The following NXF3 variants were observed in gnomAD, a reference collection of about 807,000 sequenced individuals.
The protein encoded by NXF3 is nuclear RNA export factor 3.
A neutral mutation model predicts 48.4 loss-of-function variants in NXF3; 34 were observed. The observed-to-expected ratio is 0.70, with a 90% CI of 0.53 to 0.93. NXF3 has a LOEUF of 0.93. Among genes scored for constraint, NXF3 ranks in the 40% least tolerant of loss-of-function variants. NXF3 has a pLI of 0.00. For synonymous variants in NXF3, 132 were observed against 145.7 expected, an observed-to-expected ratio of 0.91 and a Z score of 0.68; for missense variants, 359 against 406.1, an observed-to-expected ratio of 0.88 and a Z score of 1.00.
rs191596043 is a variant in NXF3, at chrX:103,091,575, G to A, written c.28+1421C>T. Among the ~76,000 whole-genome samples, 462 of 109,829 alleles carry A rather than the reference G, an allele frequency of 4.2e-3. 5 individuals are homozygous for A. The highest frequency in any genetic ancestry group is 0.015 in the African/African-American group (443 of 30,204). On this transcript the variant is annotated intron_variant, in intron 1 of 19. Transcript: ENST00000395065. ...ATTTTTGGTATCTGTGGGTGGGCAGGGTAGGGGGGGTCCTGGAACCAATAC... is the reference window on the plus strand; with the variant it reads ...ATTTTTGGTATCTGTGGGTGGGCAGAGTAGGGGGGGTCCTGGAACCAATAC...
Position 103,077,635 on chromosome X carries a change from G to A in NXF3, c.1563C>T (p.Phe521=). 1 of 1,211,507 alleles carries A rather than the reference G, an allele frequency of 8.3e-7. No homozygotes were observed. The change falls in exon 18 of 20, where the codon TTC becomes TTT. Residue 521 remains phenylalanine (F), a synonymous_variant. Coordinates refer to ENST00000395065, the MANE Select transcript of NXF3 (RefSeq NM_022052.2). The part of the protein sequence containing the change: ...PTAFSSSVPA[F]SQEQQKMLPS ...GTACCATTTTCTGCTGCTCCTGGGAGAAGGCAGGCACGGAGCTGGAGAAGG... is the reference window on the plus strand; with the variant it reads ...GTACCATTTTCTGCTGCTCCTGGGAAAAGGCAGGCACGGAGCTGGAGAAGG...
chrX:103,086,552 A>C (rs1354555565), intron 1 of NXF3, among the ~76,000 whole-genome samples: 1 of 110,887 alleles, frequency 9.0e-6, no homozygotes, highest in East Asian at 2.8e-4. Flanking sequence ...AAAGAACTTA[A>C]AACAGGCAAA....
At chrX:103,087,012 C>T (rs1196438552) in intron 1 of NXF3, among the ~76,000 whole-genome samples, 1 of 112,047 alleles carries the variant, frequency 8.9e-6, no homozygotes, top group African/African-American at 3.2e-5. Flanking sequence ...GAGAGACTCC[C>T]AGGGAGGGTC....
Position 103,079,781 on chromosome X carries a change from T to C in NXF3, c.1142A>G (p.Asn381Ser). 1 of 1,210,073 alleles carries C rather than the reference T, an allele frequency of 8.3e-7. No individual in the cohort carries two copies. Among genetic ancestry groups the C allele is most frequent in the Non-Finnish European group, 1.1e-6 (1 of 894,654 alleles). Residue 381 changes from asparagine (N) to serine (S), a missense_variant, in exon 13 of 20, where the codon AAT becomes AGT. Asn to Ser is a conservative substitution (Grantham distance 46). Transcript: ENST00000395065. ...EACFSLSIPF[N>S]PEDSAPSSFC... Reference sequence around the variant, plus strand: ...TACTCACGGGGCTGAGTCCTCAGGATTGAAGGGAATGCTCAGGGAGAAGCA... The same window carrying C: ...TACTCACGGGGCTGAGTCCTCAGGACTGAAGGGAATGCTCAGGGAGAAGCA...
In NXF3 at chrX:103,082,783, C is replaced by G; in HGVS notation, c.757G>C (p.Val253Leu). 8.3e-7 allele frequency: 1 copy of G among 1,207,951 alleles called. No homozygotes were observed. Among genetic ancestry groups the G allele is most frequent in the Non-Finnish European group, 1.1e-6 (1 of 892,010 alleles). ...PRKCMAASLDVHEENIPTVMS... is the reference protein window; with the variant it reads ...PRKCMAASLDLHEENIPTVMS... The stretch of plus-strand genomic sequence containing the variant: ...ACTGTAGGTATGTTCTCTTCATGGA[C>G]GTCCAGGGAGGCAGCCATGCACTTT... Residue 253 changes from valine (V) to leucine (L), a missense_variant, in exon 8 of 20, where the codon GTC becomes CTC. Val to Leu is a conservative substitution (Grantham distance 32, BLOSUM62 1). Coordinates refer to ENST00000395065, the MANE Select transcript of NXF3 (RefSeq NM_022052.2).
chrX:103,080,566 A>G lies in NXF3; in HGVS notation c.927+10T>C. ...AATTAGGAAAGTCAATGATCAAGGAATACACTTACCAGGCATAATAATTTG... is the reference window on the plus strand; with the variant it reads ...AATTAGGAAAGTCAATGATCAAGGAGTACACTTACCAGGCATAATAATTTG... On this transcript the variant is annotated intron_variant, in intron 10 of 19. Transcript: ENST00000395065. 2 of 1,207,976 alleles carry G rather than the reference A, an allele frequency of 1.7e-6. No homozygotes were observed.
At chrX:103,088,199 A>G (rs1922198632) in intron 1 of NXF3, 2 of 969,035 alleles carry the variant, frequency 2.1e-6, no homozygotes, top group Non-Finnish European at 2.9e-6. Flanking sequence ...CCATTGTTAA[A>G]AAAAATATTG....
intron 1 of NXF3, among the ~76,000 whole-genome samples, chrX:103,091,085 G>T (rs1922260532): frequency 8.9e-6 from 1 of 112,154 alleles, no homozygotes; most frequent in Non-Finnish European, 1.9e-5. Context: ...AGCAATTTAT[G>T]TAATTTTATT....
At chrX:103,079,034 G>A (rs996428515) in intron 16 of NXF3, among the ~76,000 whole-genome samples, 187 bp downstream of exon 16, 3 of 112,355 alleles carry the variant, frequency 2.7e-5, no homozygotes, top group African/African-American at 9.7e-5. Flanking sequence ...GAGCTGTGCA[G>A]GGCAGACAGG....
At chrX:103,088,303 A>G in intron 1 of NXF3, 1 of 545,319 alleles carries the variant, frequency 1.8e-6, no homozygotes, top group Non-Finnish European at 3.1e-6. Flanking sequence ...TTGTGATCGT[A>G]TTTCTGGTGA....
chrX:103,084,563 T>A, intron 2 of NXF3, 68 bp from the exon 3 acceptor site: 2 of 1,153,156 alleles, frequency 1.7e-6, no homozygotes, highest in Non-Finnish European at 2.4e-6. Context: ...TTTGATCCAC[T>A]GATACCAGGG....
intron 1 of NXF3, chrX:103,088,157 A>T: frequency 9.7e-7 from 1 of 1,026,196 alleles, no homozygotes; most frequent in Middle Eastern, 2.8e-4. Flanking sequence ...GCAAAATTCC[A>T]AGCAGGTTCA....
rs1254802952 is a variant in NXF3 at position 103,083,318 on chromosome X, AC to A, written c.541-46del. 2.5e-6 allele frequency: 3 copies of A among 1,180,072 alleles called. No individual in the cohort carries two copies. In the Admixed American group the frequency reaches 6.5e-5, roughly 26 times the overall value. ...GGCTGAGTAAACACTAGGAACTCTG[AC>A]CCCCAAGATCAAGCAAGACCTTACC... On this transcript the variant is annotated intron_variant, in intron 5 of 19. Transcript: ENST00000395065.
chrX:103,090,288 A>C (rs1443752578), intron 1 of NXF3, among the ~76,000 whole-genome samples: 1 of 112,042 alleles, frequency 8.9e-6, no homozygotes, highest in Non-Finnish European at 1.9e-5. Flanking sequence ...TTATTTTTGC[A>C]AGAGTCTAAT....
intron 11 of NXF3, 39 bp from the exon 12 acceptor site, chrX:103,080,107 C>T (rs755744815): frequency 3.4e-5 from 41 of 1,208,262 alleles, no homozygotes; most frequent in Non-Finnish European, 4.1e-5. Context: ...ATGGTACCCC[C>T]CCTTCCTCAT....
In NXF3 at chrX:103,083,460, C is replaced by A; in HGVS notation, c.478G>T (p.Ala160Ser). 8.3e-7 allele frequency: 1 copy of A among 1,211,295 alleles called. No homozygotes were observed. The highest frequency in any genetic ancestry group is 1.1e-6 in the Non-Finnish European group (1 of 894,883). Residue 160 changes from alanine to serine, a missense_variant, in exon 5 of 20, where the codon GCC becomes TCC. Physicochemically the swap from Ala to Ser is moderately conservative, Grantham distance 99. Coordinates refer to ENST00000395065, the MANE Select transcript of NXF3 (RefSeq NM_022052.2). ...NMHASFFVEN[A>S]SIAYALKNVS... ...TTCTTCAGTGCATAGGCGATGCTGG[C>A]ATTCTCCACAAAGAAGCTGGCATGC...
At chrX:103,085,625 C>T (rs1011465142) in intron 1 of NXF3, among the ~76,000 whole-genome samples, 20 of 111,664 alleles carry the variant, frequency 1.8e-4, no homozygotes, top group African/African-American at 3.6e-4. Context: ...TAAGCGCAGC[C>T]GGGCGCGTTG....
intron 18 of NXF3, among the ~76,000 whole-genome samples, chrX:103,076,754 C>G (rs773926302): frequency 1.0e-5 from 1 of 98,667 alleles, no homozygotes; most frequent in Non-Finnish European, 2.1e-5. Context: ...CCCCCATCCA[C>G]CAGACACAAA....
At position 103,093,077 on chromosome X, in the gene NXF3, C is replaced by T; in HGVS notation, c.-54G>A. The T allele has an allele frequency of 9.8e-6, 11 of 1,119,411 alleles. No individual in the cohort carries two copies. Among genetic ancestry groups the T allele is most frequent in the South Asian group, 1.9e-5 (1 of 53,335 alleles). The allele number at this position is 1,119,411 out of a possible 1,213,427, so 92.3% of individuals were successfully genotyped here. A position where few individuals can be genotyped will look rare whatever the true frequency, so the allele number is the denominator to read the frequency against. ...GAGGAGAATCTGTGTGGCCTGGGGA[C>T]GGGAGTTTGGAGAAGATTGAGGAGG... On this transcript the variant is annotated 5_prime_UTR_variant, in exon 1 of 20. Coordinates refer to ENST00000395065, the MANE Select transcript of NXF3 (RefSeq NM_022052.2).
Sources: allele counts gnomAD v4.1 joint callset (sites outside exome capture counted in the v4.1 genomes callset), GRCh38; gene constraint gnomAD v4.1.1; transcripts MANE v1.5; gene names NCBI Gene and HGNC (gene_info 2026-07-23, HGNC 2026-07-21).